PPFIA2: variants seen among roughly 807,000 people sequenced by gnomAD.
PPFIA2 encodes PPFI scaffold protein A2.
PPFIA2 carries 46 observed loss-of-function variants against 175.5 expected under a neutral mutation model. The ratio of observed to expected loss-of-function variants is 0.26; its 90% CI spans 0.21 to 0.34. PPFIA2 has a LOEUF of 0.34. PPFIA2 is among the 10% of genes least tolerant of loss of function. The pLI, the probability that PPFIA2 is intolerant of heterozygous loss-of-function variation, is 1.00. For missense variants in PPFIA2, 1,179 were observed against 1,506.1 expected (o/e 0.78, Z 3.60); for synonymous variants, 568 against 511.4 (o/e 1.11, Z -1.49).
chr12:81,367,803 A>G (rs2095091873), intron 13 of PPFIA2, among the ~76,000 whole-genome samples: 1 of 151,678 alleles, frequency 6.6e-6, no homozygotes. Context: ...TTATTTTTCT[A>G]CAAAACACAC....
intron 5 of PPFIA2, 121 bp downstream of exon 5, chr12:81,457,644 C>T (rs2053822399): frequency 1.4e-5 from 8 of 554,130 alleles, no homozygotes; most frequent in South Asian, 6.5e-5. Flanking sequence ...AACTGAGTTA[C>T]TATCTGCTTA....
intron 4 of PPFIA2, among the ~76,000 whole-genome samples, chr12:81,662,882 G>A (rs1173678889): frequency 6.6e-6 from 1 of 152,202 alleles, no homozygotes; most frequent in African/African-American, 2.4e-5. Context: ...TCCCTGGGAT[G>A]CAAGGCTGGT....
At chr12:81,473,245 C>T (rs1408177571) in intron 4 of PPFIA2, among the ~76,000 whole-genome samples, 2 of 151,834 alleles carry the variant, frequency 1.3e-5, no homozygotes, top group African/African-American at 4.8e-5. Flanking sequence ...TTGTCTCTAC[C>T]AAAAATACAA....
At chr12:81,417,820 T>G (rs2143446235) in intron 7 of PPFIA2, among the ~76,000 whole-genome samples, 1 of 151,876 alleles carries the variant, frequency 6.6e-6, no homozygotes, top group South Asian at 2.1e-4. Flanking sequence ...AAAATGAGAT[T>G]TACAGAGAAT....
chr12:81,615,118 T>C (rs771400849), intron 4 of PPFIA2, among the ~76,000 whole-genome samples: 1 of 152,230 alleles, frequency 6.6e-6, no homozygotes, highest in Non-Finnish European at 1.5e-5. Flanking sequence ...TATGTAATTG[T>C]TCAGATTTTT....
chr12:81,637,905 C>G (rs557820974), intron 4 of PPFIA2, among the ~76,000 whole-genome samples: 7 of 152,184 alleles, frequency 4.6e-5, no homozygotes, highest in South Asian at 4.1e-4. Context: ...ACATACATAT[C>G]TTTAAAAGGT....
At chr12:81,468,500 T>C (rs986065134) in intron 4 of PPFIA2, among the ~76,000 whole-genome samples, 1 of 152,146 alleles carries the variant, frequency 6.6e-6, no homozygotes, top group Non-Finnish European at 1.5e-5. Flanking sequence ...ATGCTGCATA[T>C]TAATTTAAAA....
chr12:81,384,074 A>T lies in PPFIA2; in HGVS notation c.933T>A (p.Asp311Glu), dbSNP rs181619998. ...VEQEAETARKDLIKTEEMNTK... is the reference protein window; with the variant it reads ...VEQEAETARKELIKTEEMNTK... Reference sequence around the variant, plus strand: ...TGTTCATTTCTTCTGTTTTAATGAGATCCTTTCTTGCTGTCTCTGCTTCCT... The same window carrying T: ...TGTTCATTTCTTCTGTTTTAATGAGTTCCTTTCTTGCTGTCTCTGCTTCCT... Residue 311 changes from aspartate to glutamate, a missense_variant, in exon 9 of 33, where the codon GAT (aspartate) becomes GAA (glutamate). Asp to Glu is a conservative substitution (Grantham distance 45). Transcript: ENST00000549396. The T allele has an allele frequency of 5.6e-6, 9 of 1,613,142 alleles. No homozygotes were observed. The African/African-American group carries it at 9.3e-5, about 17-fold the overall frequency.
chr12:81,324,510 T>C (rs1391364697), intron 22 of PPFIA2, among the ~76,000 whole-genome samples: 1 of 152,018 alleles, frequency 6.6e-6, no homozygotes, highest in Non-Finnish European at 1.5e-5. Flanking sequence ...TGATCATTTA[T>C]ATATTTTTAG....
intron 15 of PPFIA2, among the ~76,000 whole-genome samples, chr12:81,362,068 CT>C (rs1351605223): frequency 6.6e-6 from 1 of 151,328 alleles, no homozygotes; most frequent in East Asian, 1.9e-4. Context: ...ATCAAGTAAG[CT>C]GCCATCCATT....
At position 81,367,010 on chromosome 12, in the gene PPFIA2, A is replaced by G; in HGVS notation, c.1545+98T>C. 5 of 1,265,148 alleles carry G rather than the reference A, an allele frequency of 4.0e-6. No homozygotes were observed. The South Asian group carries it at 6.7e-5, about 17-fold the overall frequency. 78.4% of individuals were successfully genotyped at this position (1,265,148 alleles called of 1,614,324 possible). ...AATTGTTTTACAAAGATAGCATACT[A>G]AAATTATTTTTTCAAATTTATTTTA... On this transcript the variant is annotated intron_variant, in intron 14 of 32. Coordinates refer to ENST00000549396, the MANE Select transcript of PPFIA2 (RefSeq NM_003625.5).
chr12:81,529,120 A>C (rs2064130190), intron 4 of PPFIA2, among the ~76,000 whole-genome samples: 1 of 150,650 alleles, frequency 6.6e-6, no homozygotes, highest in African/African-American at 2.4e-5. Context: ...CAAGAAAGGC[A>C]CAGTCTCTCA....
intron 4 of PPFIA2, among the ~76,000 whole-genome samples, chr12:81,514,615 A>C (rs2062183117): frequency 6.6e-6 from 1 of 151,950 alleles, no homozygotes; most frequent in African/African-American, 2.4e-5. Context: ...CTGAAATTAG[A>C]AATAAAACAG....
chr12:81,727,097 A>C (rs2080191292), intron 3 of PPFIA2, among the ~76,000 whole-genome samples: 1 of 151,328 alleles, frequency 6.6e-6, no homozygotes, highest in South Asian at 2.1e-4. Context: ...TTCTAGCAAA[A>C]GCTAATTGAT....
At chr12:81,587,854 G>T (rs895011804) in intron 4 of PPFIA2, among the ~76,000 whole-genome samples, 4 of 151,964 alleles carry the variant, frequency 2.6e-5, no homozygotes, top group African/African-American at 9.7e-5. Context: ...GTTGAAGTCT[G>T]ACATAATGGT....
intron 22 of PPFIA2, among the ~76,000 whole-genome samples, chr12:81,320,249 A>C (rs182293689): frequency 6.6e-6 from 1 of 152,100 alleles, no homozygotes; most frequent in East Asian, 1.9e-4. Context: ...ACTGAAGGAG[A>C]CCCTCAGGAT....
At chr12:81,260,951 C>T (rs2035277245) in intron 32 of PPFIA2, 1 of 152,086 alleles carries the variant, frequency 6.6e-6, no homozygotes, top group Non-Finnish European at 1.5e-5. Flanking sequence ...CACAGTTTTA[C>T]TATTAAGACT....
chr12:81,409,747 T>C lies in PPFIA2; in HGVS notation c.646-3844A>G, dbSNP rs536441646. Among the ~76,000 whole-genome samples the C allele has an allele frequency of 2.0e-5, 3 of 152,308 alleles. No individual in the cohort carries two copies. In the South Asian group the frequency reaches 6.2e-4, roughly 32 times the overall value. ...CATGTTGAGTAGGAGGAACCACTTA[T>C]GTACAAGTCCTGTTGTTTACCCAGT... is the stretch of plus-strand genomic sequence containing the variant. On this transcript the variant is annotated intron_variant, in intron 7 of 32. Transcript: ENST00000549396.
chr12:81,373,911 A>G (rs2035774096), intron 11 of PPFIA2, among the ~76,000 whole-genome samples: 1 of 152,078 alleles, frequency 6.6e-6, no homozygotes, highest in South Asian at 2.1e-4. Context: ...TAAATGTCAA[A>G]CATGCTTTTA....
Sources: gnomAD v4.1 joint callset for allele counts (sites outside exome capture counted in the v4.1 genomes callset) on GRCh38, gnomAD v4.1.1 for gene constraint, MANE v1.5 for transcripts, NCBI Gene and HGNC (gene_info 2026-07-23, HGNC 2026-07-21) for gene names.